ITGA2: variants seen among roughly 807,000 people sequenced by gnomAD.
ITGA2 encodes integrin subunit alpha 2.
A neutral mutation model predicts 146.3 loss-of-function variants in ITGA2; 101 were observed. The ratio of observed to expected loss-of-function variants is 0.69; its 90% CI spans 0.59 to 0.81. ITGA2 has a LOEUF of 0.81. Ranked by LOEUF, ITGA2 falls within the 40% of genes least tolerant of loss-of-function variation. The pLI is 0.00. For synonymous variants in ITGA2, 477 were observed against 487.1 expected, an observed-to-expected ratio of 0.98 and a Z score of 0.27; for missense variants, 1,281 against 1,402.7, an observed-to-expected ratio of 0.91 and a Z score of 1.39.
rs193291508 is a variant in ITGA2 at position 53,092,825 on chromosome 5, T to G, written c.*2226T>G. 1 of 152,322 alleles carries G rather than the reference T, an allele frequency of 6.6e-6. No homozygotes were observed. Among genetic ancestry groups the G allele is most frequent in the Non-Finnish European group, 1.5e-5 (1 of 68,102 alleles). 9.4% of individuals were successfully genotyped at this position (152,322 alleles called of 1,614,324 possible). On this transcript the variant is annotated 3_prime_UTR_variant, in exon 30 of 30. Coordinates refer to ENST00000296585, the MANE Select transcript of ITGA2 (RefSeq NM_002203.4). ...AAAAAATGACTATTTAAAAAGACAATGTGGCCAGGCACGGTGGCTCACACC... is the reference window on the plus strand; with the variant it reads ...AAAAAATGACTATTTAAAAAGACAAGGTGGCCAGGCACGGTGGCTCACACC...
At chr5:53,057,689 C>A (rs1744706384) in intron 9 of ITGA2, among the ~76,000 whole-genome samples, 1 of 151,940 alleles carries the variant, frequency 6.6e-6, no homozygotes. Context: ...AAATTATCAT[C>A]TCAGTTTTCA....
intron 6 of ITGA2, 32 bp downstream of exon 6, chr5:53,048,802 T>C: frequency 1.2e-6 from 2 of 1,610,588 alleles, no homozygotes; most frequent in Non-Finnish European, 1.7e-6. Context: ...AACTAACTTA[T>C]GGCTTTCTTT....
Position 53,048,637 on chromosome 5 carries a change from G to A in ITGA2, c.503-6G>A. ...AAATCTGCTTCTTTCCTCTTTTCCT[G>A]TGTAGCCTGCCCTTCCCTCATAGAT... is the stretch of plus-strand genomic sequence containing the variant. On this transcript the variant is annotated splice_polypyrimidine_tract_variant and splice_region_variant and intron_variant, in intron 5 of 29. Transcript: ENST00000296585. 6.2e-7 allele frequency: 1 copy of A among 1,614,022 alleles called. No homozygotes were observed. The highest frequency in any genetic ancestry group is 8.5e-7 in the Non-Finnish European group (1 of 1,179,952).
chr5:53,082,056 C>G (rs1358435149), intron 26 of ITGA2, among the ~76,000 whole-genome samples: 1 of 152,196 alleles, frequency 6.6e-6, no homozygotes, highest in African/African-American at 2.4e-5. Context: ...AAGGAACTAG[C>G]TGTGTGCTAC....
intron 1 of ITGA2, among the ~76,000 whole-genome samples, chr5:52,997,537 C>T (rs867140011): frequency 3.9e-5 from 6 of 152,182 alleles, no homozygotes; most frequent in African/African-American, 1.4e-4. Context: ...TTTTGAAAGG[C>T]GAGCAAAGCT....
Position 53,065,053 on chromosome 5 carries a change from A to C in ITGA2, c.1744A>C (p.Asn582His), listed in dbSNP as rs1270665826. The change falls in exon 14 of 30, where the codon AAT (asparagine) becomes CAT (histidine). Residue 582 changes from asparagine to histidine, a missense_variant. Physicochemically the swap from Asn to His is moderately conservative, Grantham distance 68 (BLOSUM62 1). This residue lies in a region of ITGA2 where 795 missense variants were observed against 841.7 expected (regional missense o/e 0.94). Coordinates refer to ENST00000296585, the MANE Select transcript of ITGA2 (RefSeq NM_002203.4). ...TGTTGGTTCACCACTAGAAAATCAGAATTCTGGAGCTGTATACATTTACAA... is the reference window on the plus strand; with the variant it reads ...TGTTGGTTCACCACTAGAAAATCAGCATTCTGGAGCTGTATACATTTACAA... Reference protein sequence around the residue: ...VIVGSPLENQNSGAVYIYNGH... With the variant: ...VIVGSPLENQHSGAVYIYNGH... The C allele has an allele frequency of 6.2e-7, 1 of 1,612,876 alleles. No homozygotes were observed. Among genetic ancestry groups the C allele is most frequent in the South Asian group, 1.1e-5 (1 of 91,070 alleles).
intron 3 of ITGA2, among the ~76,000 whole-genome samples, chr5:53,044,619 A>AT (rs1170330788): frequency 1.3e-5 from 2 of 151,846 alleles, no homozygotes; most frequent in South Asian, 4.2e-4. Context: ...CTTCAAGGAT[A>AT]TTTTTACTGA....
chr5:53,026,232 G>A (rs1057247038), intron 1 of ITGA2, among the ~76,000 whole-genome samples: 5 of 152,090 alleles, frequency 3.3e-5, no homozygotes, highest in Admixed American at 1.3e-4. Context: ...ATGCCTTTTC[G>A]ACAGATGTTT....
intron 2 of ITGA2, among the ~76,000 whole-genome samples, chr5:53,031,921 C>G (rs886921077): frequency 3.3e-5 from 5 of 152,128 alleles, no homozygotes; most frequent in African/African-American, 1.2e-4. Context: ...AAAATCATTT[C>G]CTGGAGTTTG....
At position 53,094,086 on chromosome 5, in the gene ITGA2, AC is replaced by A. The variant is rs1262301480; in HGVS notation, c.*3490del. Reference sequence around the variant, plus strand: ...TTACCTGTCCTGATATATAGCTATAACCCAATATATGAAAATCTCAAAAATT... The same window carrying A: ...TTACCTGTCCTGATATATAGCTATAACCAATATATGAAAATCTCAAAAATT... On this transcript the variant is annotated 3_prime_UTR_variant, in exon 30 of 30. Coordinates refer to ENST00000296585, the MANE Select transcript of ITGA2 (RefSeq NM_002203.4). 14 of 152,716 alleles carry A rather than the reference AC, an allele frequency of 9.2e-5. No individual in the cohort carries two copies. The highest frequency in any genetic ancestry group is 2.0e-4 in the Admixed American group (3 of 15,304). The allele number at this position is 152,716 out of a possible 1,614,324, so 9.5% of individuals were successfully genotyped here.
chr5:53,014,331 A>T (rs937546892), intron 1 of ITGA2, among the ~76,000 whole-genome samples: 4 of 151,990 alleles, frequency 2.6e-5, no homozygotes, highest in African/African-American at 9.7e-5. Context: ...TTTTATCGAA[A>T]GGTTTTTCTG....
intron 27 of ITGA2, among the ~76,000 whole-genome samples, chr5:53,084,896 TACCTTCCC>T (rs1746087524): frequency 6.6e-6 from 1 of 152,204 alleles, no homozygotes; most frequent in South Asian, 2.1e-4. Flanking sequence ...CTTTTTAAAG[TACCTTCCC>T]AACGATCTTC....
At chr5:53,078,018 G>T (rs1369763628) in intron 23 of ITGA2, among the ~76,000 whole-genome samples, 1 of 152,078 alleles carries the variant, frequency 6.6e-6, no homozygotes, top group Non-Finnish European at 1.5e-5. Context: ...AGAAATGAGT[G>T]AGGAGAGGGG....
intron 2 of ITGA2, among the ~76,000 whole-genome samples, chr5:53,029,297 A>G (rs1463613364): frequency 1.3e-5 from 2 of 152,076 alleles, no homozygotes; most frequent in Non-Finnish European, 2.9e-5. Context: ...AACACAGCTC[A>G]TTCCCTAGAT....
chr5:53,094,605 G>C lies in ITGA2; in HGVS notation c.*4006G>C, dbSNP rs1003204166. The C allele has an allele frequency of 6.6e-6, 1 of 151,300 alleles. No homozygotes were observed. Among genetic ancestry groups the C allele is most frequent in the Non-Finnish European group, 1.5e-5 (1 of 67,960 alleles). 9.4% of individuals were successfully genotyped at this position (151,300 alleles called of 1,614,324 possible). On this transcript the variant is annotated 3_prime_UTR_variant, in exon 30 of 30. Transcript: ENST00000296585. ...GTACAAAAAGTTGCAGAATTCATTT[G>C]ATTTATGAGAAACAAAAATTAAATT...
At chr5:53,033,486 T>A (rs1396094924) in intron 2 of ITGA2, among the ~76,000 whole-genome samples, 1 of 152,158 alleles carries the variant, frequency 6.6e-6, no homozygotes, top group East Asian at 1.9e-4. Context: ...ATCCTTTATA[T>A]CTCTTTCAAA....
chr5:53,001,155 G>C (rs762058429), intron 1 of ITGA2, among the ~76,000 whole-genome samples: 17 of 151,950 alleles, frequency 1.1e-4, no homozygotes, highest in Non-Finnish European at 2.2e-4. Context: ...ACCCACCTCA[G>C]CCTCCCAAAG....
chr5:53,064,445 A>G (rs1302544213), intron 13 of ITGA2, among the ~76,000 whole-genome samples: 1 of 152,004 alleles, frequency 6.6e-6, no homozygotes, highest in Non-Finnish European at 1.5e-5. Flanking sequence ...TCTGATCATA[A>G]ATAGTTCAGG....
At chr5:53,041,325 T>C (rs2216729) in intron 2 of ITGA2, among the ~76,000 whole-genome samples, 98,826 of 151,934 alleles carry the variant, frequency 0.65, 32,622 homozygotes, top group Non-Finnish European at 0.7. Flanking sequence ...GAAGGAAGGA[T>C]GTAAACACCA....
Sources: gnomAD v4.1 joint callset for allele counts (sites outside exome capture counted in the v4.1 genomes callset) on GRCh38, gnomAD v4.1.1 for gene constraint, gnomAD v4.1.1 regional missense constraint, MANE v1.5 for transcripts, NCBI Gene and HGNC (gene_info 2026-07-23, HGNC 2026-07-21) for gene names.